The following TRMT44 variants were observed in gnomAD, a reference collection of about 807,000 sequenced individuals.
TRMT44 encodes the protein probable tRNA (uracil-O(2)-)-methyltransferase.
TRMT44 carries 78 observed loss-of-function variants against 77.3 expected under a neutral mutation model. The observed-to-expected ratio is 1.01, with a 90% CI of 0.84 to 1.22. The LOEUF (loss-of-function observed/expected upper bound fraction) is 1.22, where lower values mean the gene tolerates loss of function less well. TRMT44 is among the 50% of genes most tolerant of loss of function. The pLI, the probability that TRMT44 is intolerant of heterozygous loss-of-function variation, is 0.00. For missense variants in TRMT44, 1,090 were observed against 964.4 expected, an observed-to-expected ratio of 1.13 and a Z score of -1.73; for synonymous variants, 391 against 383.3, an observed-to-expected ratio of 1.02 and a Z score of -0.23.
At chr4:8,445,812 G>C (rs1725020978) in intron 1 of TRMT44, among the ~76,000 whole-genome samples, 1 of 152,184 alleles carries the variant, frequency 6.6e-6, no homozygotes, top group Non-Finnish European at 1.5e-5. Context: ...GGCCTGTGAA[G>C]TGTATATTCC....
chr4:8,475,414 TCCTCTGC>T (rs1269854302), intron 10 of TRMT44, among the ~76,000 whole-genome samples: 1 of 152,210 alleles, frequency 6.6e-6, no homozygotes, highest in African/African-American at 2.4e-5. Context: ...CCCAGCTCTG[TCCTCTGC>T]CCTCCCCTCT....
At chr4:8,447,615 C>T (rs62287382) in intron 2 of TRMT44, among the ~76,000 whole-genome samples, 4,132 of 152,306 alleles carry the variant, frequency 0.027, 68 homozygotes, top group South Asian at 0.04. Context: ...CATTCCTGAG[C>T]CTCTGAGGAG....
chr4:8,476,324 A>G lies in TRMT44; in HGVS notation c.*323A>G, dbSNP rs1727385331. The G allele has an allele frequency of 2.7e-6, 1 of 372,794 alleles. No individual in the cohort carries two copies. Among genetic ancestry groups the G allele is most frequent in the Admixed American group, 4.5e-5 (1 of 22,162 alleles). 23.1% of individuals were successfully genotyped at this position (372,794 alleles called of 1,614,324 possible). ...GAGAGCGGCTGAGGCTGCCTTGCAC[A>G]GGCCCTTCCCAGGGCGCTGTCCGAC... On this transcript the variant is annotated 3_prime_UTR_variant, in exon 11 of 11. Coordinates refer to ENST00000389737, the MANE Select transcript of TRMT44 (RefSeq NM_152544.3).
At chr4:8,516,279 C>T in the TRMT44 span, among the ~76,000 whole-genome samples, 1 of 152,170 alleles carries the variant, frequency 6.6e-6, no homozygotes, top group African/African-American at 2.4e-5. Flanking sequence ...AGCCTGAGCA[C>T]TGGGAACGTG....
In TRMT44 at chr4:8,466,978, G is replaced by A. The variant is rs559125762; in HGVS notation, c.1495-936G>A. On this transcript the variant is annotated intron_variant, in intron 8 of 10. Transcript: ENST00000389737. Reference sequence around the variant, plus strand: ...GGAGGTCGGCTTCCTTATCACCCGCGCCTGGCCTTGTAGTTGATGCCTGGA... The same window carrying A: ...GGAGGTCGGCTTCCTTATCACCCGCACCTGGCCTTGTAGTTGATGCCTGGA... 1.4e-4 allele frequency among the ~76,000 whole-genome samples: 21 copies of A among 152,326 alleles called. No individual in the cohort carries two copies. In the South Asian group the frequency reaches 3.7e-3, roughly 27 times the overall value.
At chr4:8,503,890 G>A in the TRMT44 span, among the ~76,000 whole-genome samples, 28 of 152,196 alleles carry the variant, frequency 1.8e-4, no homozygotes, top group East Asian at 3.8e-4. Context: ...GGCTAGCTTC[G>A]TCTCCAGCAA....
intron 2 of TRMT44, among the ~76,000 whole-genome samples, chr4:8,485,104 A>C (rs1441904896): frequency 6.6e-6 from 1 of 152,206 alleles, no homozygotes; most frequent in Non-Finnish European, 1.5e-5. Flanking sequence ...AAATCATGAG[A>C]AAGAGCTTGG....
At chr4:8,480,111 A>G (rs1727567031), downstream of TRMT44, among the ~76,000 whole-genome samples, 1 of 152,154 alleles carries the variant, frequency 6.6e-6, no homozygotes, top group African/African-American at 2.4e-5. Context: ...TTGAGTTGTC[A>G]GTGGTGAATT....
Position 8,446,829 on chromosome 4 carries a change from G to A in TRMT44, c.734+239G>A, listed in dbSNP as rs1725090593. ...TCTGATCTCTACCTTCCCTGTGGCT[G>A]TGATGATCAGCAGCCCTTAGCATTA... On this transcript the variant is annotated intron_variant, in intron 2 of 10. Coordinates refer to ENST00000389737, the MANE Select transcript of TRMT44 (RefSeq NM_152544.3). This position sits in a 1 kb window ranked among gnomAD's most constrained non-coding sequence, Gnocchi z 4.3. Among the ~76,000 whole-genome samples the A allele has an allele frequency of 6.6e-6, 1 of 152,204 alleles. No homozygotes were observed. Among genetic ancestry groups the A allele is most frequent in the Non-Finnish European group, 1.5e-5 (1 of 68,036 alleles).
intron 2 of TRMT44, among the ~76,000 whole-genome samples, chr4:8,485,009 T>C (rs763324300): frequency 1.9e-4 from 29 of 152,176 alleles, no homozygotes; most frequent in Non-Finnish European, 2.1e-4. Flanking sequence ...GAAGTGTGTC[T>C]TGTTGAGAAG....
intron 9 of TRMT44, 62 bp downstream of exon 9, chr4:8,468,408 A>T (rs1258798426): frequency 6.5e-7 from 1 of 1,528,646 alleles, no homozygotes; most frequent in Non-Finnish European, 9.0e-7. Flanking sequence ...GCAGGAATTC[A>T]CGTCTTCAGA....
At chr4:8,441,568 C>G (rs2109071015) in intron 1 of TRMT44, 127 bp downstream of exon 1, 1 of 1,191,788 alleles carries the variant, frequency 8.4e-7, no homozygotes, top group East Asian at 2.8e-5. Context: ...TTAGGTGTTT[C>G]ATAGTTTTTT....
At chr4:8,465,285 C>T in intron 7 of TRMT44, 93 bp from the exon 8 acceptor site, 1 of 1,267,644 alleles carries the variant, frequency 7.9e-7, no homozygotes, top group Non-Finnish European at 1.1e-6. Flanking sequence ...CTATTTTGCC[C>T]TGATATGCGA....
At chr4:8,479,487 A>T (rs1045489048), downstream of TRMT44, 14 of 152,168 alleles carry the variant, frequency 9.2e-5, no homozygotes, top group African/African-American at 3.4e-4. Context: ...AGACGCCTGC[A>T]CAGCACATTA....
chr4:8,501,777 A>G, the TRMT44 span, among the ~76,000 whole-genome samples: 1 of 151,992 alleles, frequency 6.6e-6, no homozygotes. This position sits in a 1 kb window ranked among gnomAD's most constrained non-coding sequence, Gnocchi z 4.4. Flanking sequence ...TGGAGTCTCA[A>G]GGGCTCTGCT....
chr4:8,515,361 C>T, the TRMT44 span, among the ~76,000 whole-genome samples: 403 of 152,314 alleles, frequency 2.6e-3, no homozygotes, highest in Non-Finnish European at 4.7e-3. Flanking sequence ...TGGGAACTCA[C>T]GGTCCAGCGA....
chr4:8,481,394 G>C (rs531331034), downstream of TRMT44, among the ~76,000 whole-genome samples: 3 of 152,342 alleles, frequency 2.0e-5, no homozygotes, highest in South Asian at 6.2e-4. Context: ...GACCTCCTGA[G>C]GACTGTGTCA....
chr4:8,442,987 C>T (rs1724844926), intron 1 of TRMT44, among the ~76,000 whole-genome samples: 1 of 152,166 alleles, frequency 6.6e-6, no homozygotes, highest in Non-Finnish European at 1.5e-5. Flanking sequence ...CCATATAATA[C>T]AGTATATTCA....
At chr4:8,449,949 C>CTTTTATTTTAT in intron 3 of TRMT44, 61 bp downstream of exon 3, 3 of 238,684 alleles carry the variant, frequency 1.3e-5, no homozygotes, top group Non-Finnish European at 1.8e-5. Flanking sequence ...CTTTTCTTTT[C>CTTTTATTTTAT]TTTTTTTTTT....
Sources: gnomAD v4.1 joint callset for allele counts (sites outside exome capture counted in the v4.1 genomes callset) on GRCh38, gnomAD v4.1.1 for gene constraint, Gnocchi (gnomAD v3.1) non-coding constraint, MANE v1.5 for transcripts, NCBI Gene and HGNC (gene_info 2026-07-23, HGNC 2026-07-21) for gene names.